Variants in ERC2 observed in about 807,000 individuals in gnomAD.
The protein encoded by ERC2 is ERC protein 2.
In ERC2, 42 loss-of-function variants were observed where a neutral mutation model predicts 114.8. The ratio of observed to expected loss-of-function variants is 0.37; its 90% CI spans 0.29 to 0.47. The LOEUF (loss-of-function observed/expected upper bound fraction) is 0.47, where lower values mean the gene tolerates loss of function less well. Ranked by LOEUF, ERC2 falls within the 20% of genes least tolerant of loss-of-function variation. ERC2 has a pLI of 0.99. For missense variants in ERC2, 939 were observed against 1,150.7 expected, an observed-to-expected ratio of 0.82 and a Z score of 2.66; for synonymous variants, 454 against 425.5, an observed-to-expected ratio of 1.07 and a Z score of -0.82.
chr3:55,750,061 A>G (rs980066222), intron 14 of ERC2, among the ~76,000 whole-genome samples: 7 of 152,132 alleles, frequency 4.6e-5, no homozygotes, highest in African/African-American at 1.7e-4. Context: ...CTTAATTTCT[A>G]CCATTTTCAA....
At chr3:56,350,553 GAT>G (rs200599701) in intron 2 of ERC2, among the ~76,000 whole-genome samples, 24 of 142,992 alleles carry the variant, frequency 1.7e-4, no homozygotes, top group Non-Finnish European at 1.7e-4. Context: ...AAAAGAAGAG[GAT>G]ATATATATAT....
intron 2 of ERC2, among the ~76,000 whole-genome samples, chr3:56,325,780 T>C (rs1420084935): frequency 6.6e-6 from 1 of 152,210 alleles, no homozygotes; most frequent in Non-Finnish European, 1.5e-5. Flanking sequence ...ATGAAGTGGG[T>C]ATGATTACCA....
At chr3:56,443,459 A>G (rs531179483) in intron 1 of ERC2, among the ~76,000 whole-genome samples, 94 of 152,314 alleles carry the variant, frequency 6.2e-4, no homozygotes, top group South Asian at 1.2e-3. Flanking sequence ...GCTGCAGCAC[A>G]TAGAGTGATA....
intron 14 of ERC2, among the ~76,000 whole-genome samples, chr3:55,876,185 T>C (rs1192888013): frequency 6.6e-6 from 1 of 152,194 alleles, no homozygotes; most frequent in Non-Finnish European, 1.5e-5. Context: ...CCTTTTGAAA[T>C]AGCTCGTTCC....
intron 3 of ERC2, among the ~76,000 whole-genome samples, chr3:56,213,450 G>C (rs2049217284): frequency 6.6e-6 from 1 of 152,198 alleles, no homozygotes. Context: ...AAGTGCAAGT[G>C]GGCAGAGAGG....
intron 17 of ERC2, among the ~76,000 whole-genome samples, chr3:55,643,141 G>A (rs773177739): frequency 6.6e-6 from 1 of 152,148 alleles, no homozygotes; most frequent in African/African-American, 2.4e-5. Context: ...GGATCAAAGT[G>A]TTTTGTTTAA....
In ERC2 at chr3:55,891,295, C is replaced by T. The variant is rs112110888; in HGVS notation, c.2404-2746G>A. Among the ~76,000 whole-genome samples the T allele has an allele frequency of 3.5e-3, 537 of 152,238 alleles. 5 individuals carry two copies. Among genetic ancestry groups the T allele is most frequent in the African/African-American group, 0.012 (505 of 41,550 alleles). On this transcript the variant is annotated intron_variant, in intron 13 of 17. Coordinates refer to ENST00000288221, the MANE Select transcript of ERC2 (RefSeq NM_015576.3). Reference sequence around the variant, plus strand: ...GATGACATCATCTTCAGCCTGAGTCCCTGAGTGACCACAATGAAGCCCAGG... The same window carrying T: ...GATGACATCATCTTCAGCCTGAGTCTCTGAGTGACCACAATGAAGCCCAGG...
intron 14 of ERC2, among the ~76,000 whole-genome samples, chr3:55,831,573 T>C (rs922933284): frequency 6.6e-6 from 1 of 151,990 alleles, no homozygotes; most frequent in Non-Finnish European, 1.5e-5. Context: ...TAAAATCATA[T>C]CAAGGATTAT....
chr3:55,921,348 G>A (rs1032783438), intron 13 of ERC2, among the ~76,000 whole-genome samples: 1 of 151,920 alleles, frequency 6.6e-6, no homozygotes, highest in Non-Finnish European at 1.5e-5. Context: ...GAGGGGGCAG[G>A]GTCCGATCTA....
chr3:56,286,609 A>G (rs1419878844), intron 3 of ERC2, among the ~76,000 whole-genome samples: 2 of 152,158 alleles, frequency 1.3e-5, no homozygotes, highest in Non-Finnish European at 2.9e-5. Flanking sequence ...CTTACTTATT[A>G]TCTAATTCAG....
intron 3 of ERC2, among the ~76,000 whole-genome samples, chr3:56,227,876 T>A (rs1404973133): frequency 6.6e-6 from 1 of 152,166 alleles, no homozygotes; most frequent in South Asian, 2.1e-4. Flanking sequence ...AACAACTACA[T>A]CATCAACAGG....
chr3:56,218,211 A>C (rs1000031221), intron 3 of ERC2, among the ~76,000 whole-genome samples: 4 of 152,162 alleles, frequency 2.6e-5, no homozygotes, highest in South Asian at 2.1e-4. Context: ...CAACCTACAG[A>C]ATGGGAGAAA....
At chr3:56,411,212 A>C (rs2060928454) in intron 2 of ERC2, among the ~76,000 whole-genome samples, 1 of 151,568 alleles carries the variant, frequency 6.6e-6, no homozygotes, top group Non-Finnish European at 1.5e-5. Context: ...GAGAAAAAAA[A>C]CTGAGATCTC....
At chr3:56,373,391 G>T (rs543192082) in intron 2 of ERC2, among the ~76,000 whole-genome samples, 1 of 152,270 alleles carries the variant, frequency 6.6e-6, no homozygotes, top group Admixed American at 6.5e-5. Context: ...AAAGAAGGAG[G>T]AATTTGAAAG....
At chr3:56,323,002 T>A (rs144186632) in intron 2 of ERC2, among the ~76,000 whole-genome samples, 1 of 152,242 alleles carries the variant, frequency 6.6e-6, no homozygotes, top group East Asian at 1.9e-4. Context: ...TTAGTTACCT[T>A]GAGAGTAGGT....
chr3:56,368,811 GA>G (rs145178112), intron 2 of ERC2, among the ~76,000 whole-genome samples: 167 of 145,922 alleles, frequency 1.1e-3, no homozygotes, highest in African/African-American at 3.5e-3. Flanking sequence ...TGTCTATTGA[GA>G]AAAAAAAAAT....
intron 5 of ERC2, among the ~76,000 whole-genome samples, chr3:56,146,486 C>T (rs773271678): frequency 1.3e-5 from 2 of 152,070 alleles, no homozygotes; most frequent in Non-Finnish European, 2.9e-5. Flanking sequence ...CATAAGAATT[C>T]ATCTTATTTG....
intron 16 of ERC2, among the ~76,000 whole-genome samples, chr3:55,688,891 G>A (rs1017725536): frequency 4.7e-4 from 71 of 152,262 alleles, no homozygotes; most frequent in Non-Finnish European, 2.2e-4. Flanking sequence ...AGTTCCTTAC[G>A]ATTGCCAAGA....
chr3:56,180,789 T>G (rs1639711387), intron 3 of ERC2, among the ~76,000 whole-genome samples: 1 of 152,230 alleles, frequency 6.6e-6, no homozygotes, highest in Non-Finnish European at 1.5e-5. Context: ...GTTAAGACAG[T>G]AAATTTTATA....
Sources: gnomAD v4.1 joint callset for allele counts (sites outside exome capture counted in the v4.1 genomes callset) on GRCh38, gnomAD v4.1.1 for gene constraint, MANE v1.5 for transcripts, NCBI Gene and HGNC (gene_info 2026-07-23, HGNC 2026-07-21) for gene names.